Variants in PHACTR3 observed in about 807,000 individuals in gnomAD.
PHACTR3 encodes protein phosphatase 1, regulatory subunit 123.
Under a neutral mutation model 66.8 loss-of-function variants are expected in PHACTR3, and 16 were observed. That is an observed-to-expected ratio of 0.24 (90% CI 0.16 to 0.36). The LOEUF is 0.36. Ranked by LOEUF, PHACTR3 falls within the 10% of genes least tolerant of loss-of-function variation. The pLI, the probability that PHACTR3 is intolerant of heterozygous loss-of-function variation, is 1.00. For synonymous variants in PHACTR3, 323 were observed against 292.1 expected (o/e 1.11, Z -1.08); for missense variants, 647 against 719.9 (o/e 0.90, Z 1.16).
intron 1 of PHACTR3, among the ~76,000 whole-genome samples, chr20:59,638,327 C>T (rs6100536): frequency 0.72 from 109,075 of 152,040 alleles, 39,285 homozygotes; most frequent in East Asian, 0.91. Context: ...ATGCCTTATA[C>T]ACAGTAGAGT....
chr20:59,634,592 C>T (rs938185765), intron 1 of PHACTR3, among the ~76,000 whole-genome samples: 5 of 152,126 alleles, frequency 3.3e-5, no homozygotes, highest in African/African-American at 7.2e-5. Context: ...GAGCATTTTC[C>T]CAGAAAAATT....
At chr20:59,680,621 G>A (rs971421969) in intron 1 of PHACTR3, among the ~76,000 whole-genome samples, 6 of 152,136 alleles carry the variant, frequency 3.9e-5, no homozygotes, top group East Asian at 3.9e-4. Flanking sequence ...CTTTGAATGC[G>A]GCGCAACACA....
At chr20:59,699,630 C>T (rs145954499) in intron 1 of PHACTR3, among the ~76,000 whole-genome samples, 3 of 152,268 alleles carry the variant, frequency 2.0e-5, no homozygotes, top group African/African-American at 7.2e-5. Context: ...ACACTGCCAT[C>T]ATGAATACTC....
At chr20:59,648,499 T>TA (rs1325412147) in intron 1 of PHACTR3, among the ~76,000 whole-genome samples, 1 of 152,186 alleles carries the variant, frequency 6.6e-6, no homozygotes, top group African/African-American at 2.4e-5. Flanking sequence ...TCAGAGTCTT[T>TA]AAAAAACATC....
intron 1 of PHACTR3, among the ~76,000 whole-genome samples, chr20:59,727,254 G>A (rs2038601243): frequency 6.6e-6 from 1 of 152,122 alleles, no homozygotes; most frequent in South Asian, 2.1e-4. Context: ...CCTCCACACT[G>A]TAGCAGGTGT....
At chr20:59,607,857 A>T (rs2146338134) in intron 1 of PHACTR3, among the ~76,000 whole-genome samples, 1 of 152,154 alleles carries the variant, frequency 6.6e-6, no homozygotes, top group Non-Finnish European at 1.5e-5. Context: ...TAGCCATTGG[A>T]TATTTGTATT....
chr20:59,802,595 C>T (rs139851455), intron 7 of PHACTR3, among the ~76,000 whole-genome samples: 168 of 152,266 alleles, frequency 1.1e-3, no homozygotes, highest in Non-Finnish European at 1.6e-3. Context: ...CTGAGCCCCA[C>T]ACGTTTGTGT....
intron 8 of PHACTR3, among the ~76,000 whole-genome samples, chr20:59,813,376 A>G (rs2043407447): frequency 6.6e-6 from 1 of 152,176 alleles, no homozygotes; most frequent in South Asian, 2.1e-4. Context: ...GGCTGCTGGG[A>G]TGGAAGGTAG....
At position 59,622,981 on chromosome 20, in the gene PHACTR3, C is replaced by CAAAAAAAAA. The variant is rs71183177; in HGVS notation, c.118+17861_118+17869dup. ...ATTCTAATTTTACAGCAGCTTTAAC[C>CAAAAAAAAA]AAAAAAAAAAAAAAAAAAAACCCAA... On this transcript the variant is annotated intron_variant, in intron 1 of 12. Transcript: ENST00000371015. Among the ~76,000 whole-genome samples the CAAAAAAAAA allele has an allele frequency of 2.9e-3, 92 of 32,194 alleles. 5 individuals are homozygous for CAAAAAAAAA. Among genetic ancestry groups the CAAAAAAAAA allele is most frequent in the African/African-American group, 7.7e-3 (56 of 7,236 alleles). The allele number at this position is 32,194 out of a possible 152,430, so 21.1% of individuals were successfully genotyped here.
intron 1 of PHACTR3, among the ~76,000 whole-genome samples, chr20:59,580,510 T>C (rs2032826465): frequency 6.6e-6 from 1 of 152,130 alleles, no homozygotes. Context: ...TCTTCCAGAC[T>C]TCGAAGTCTG....
chr20:59,605,259 GC>G, intron 1 of PHACTR3, 127 bp downstream of exon 1: 2 of 592,358 alleles, frequency 3.4e-6, no homozygotes, highest in East Asian at 7.1e-5. Flanking sequence ...CCCGCGCTCG[GC>G]CCCGCGGTTC....
intron 1 of PHACTR3, among the ~76,000 whole-genome samples, chr20:59,675,731 C>T (rs1055201630): frequency 2.6e-5 from 4 of 152,124 alleles, no homozygotes; most frequent in African/African-American, 9.7e-5. Flanking sequence ...TGCGGCTAAA[C>T]CTCCTGCAAT....
chr20:59,797,927 A>G (rs1241914239), intron 7 of PHACTR3, among the ~76,000 whole-genome samples: 1 of 150,762 alleles, frequency 6.6e-6, no homozygotes, highest in African/African-American at 2.4e-5. Flanking sequence ...TTGGTCTTTC[A>G]TTTTCTTTTC....
intron 1 of PHACTR3, among the ~76,000 whole-genome samples, chr20:59,591,241 C>T (rs532257270): frequency 2.6e-5 from 4 of 152,298 alleles, no homozygotes; most frequent in East Asian, 1.9e-4. Flanking sequence ...CACATCTCAT[C>T]CTCTCCGAAG....
In PHACTR3 at chr20:59,726,314, G is replaced by GGT. The variant is rs576744013; in HGVS notation, c.119-16785_119-16784dup. Reference sequence around the variant, plus strand: ...TCCTACTTCTGCTAAGGGCTGGCCTGGTGTGTGTGACCAGAATGCCAGGCC... The same window carrying GGT: ...TCCTACTTCTGCTAAGGGCTGGCCTGGTGTGTGTGTGACCAGAATGCCAGGCC... On this transcript the variant is annotated intron_variant, in intron 1 of 12. Transcript: ENST00000371015. Among the ~76,000 whole-genome samples the GGT allele has an allele frequency of 9.2e-4, 140 of 152,268 alleles. 1 individual carries two copies. The highest frequency in any genetic ancestry group is 3.2e-3 in the African/African-American group (132 of 41,558).
rs917928653 is a variant in PHACTR3, at chr20:59,737,748, G to A, written c.119-5359G>A. On this transcript the variant is annotated intron_variant, in intron 1 of 12. Coordinates refer to ENST00000371015, the MANE Select transcript of PHACTR3 (RefSeq NM_080672.5). ...GTACAGCCCCACAAAGGCAGGCATC[G>A]TCTCTTTTGTTCACCTCTGCACACC... Among the ~76,000 whole-genome samples, 15 of 152,032 alleles carry A rather than the reference G, an allele frequency of 9.9e-5. No homozygotes were observed. In the East Asian group the frequency reaches 1.7e-3, roughly 18 times the overall value.
At chr20:59,684,931 C>T (rs1375635480) in intron 1 of PHACTR3, among the ~76,000 whole-genome samples, 4 of 152,114 alleles carry the variant, frequency 2.6e-5, no homozygotes, top group African/African-American at 4.8e-5. Context: ...TGGCTCAGCA[C>T]GTCCCTTGGC....
In PHACTR3 at chr20:59,829,305, T is replaced by G. The variant is rs1362646417; in HGVS notation, c.1329-7200T>G. Among the ~76,000 whole-genome samples the G allele has an allele frequency of 6.6e-6, 1 of 152,158 alleles. No homozygotes were observed. The highest frequency in any genetic ancestry group is 2.4e-5 in the African/African-American group (1 of 41,450). On this transcript the variant is annotated intron_variant, in intron 8 of 12. Transcript: ENST00000371015. The surrounding 1 kb of genome is among the most constrained non-coding windows in gnomAD (Gnocchi z 4.2). ...CGGCAGAACATCCCTGCTTGCTGTT[T>G]CCTAGTGTGGACACACTCCATCCCC...
chr20:59,780,147 A>T (rs2040674261), intron 7 of PHACTR3, among the ~76,000 whole-genome samples: 1 of 152,090 alleles, frequency 6.6e-6, no homozygotes, highest in Admixed American at 6.5e-5. Context: ...AAGGAAGCTG[A>T]CTTCTCCAGA....
Sources: gnomAD v4.1 joint callset for allele counts (sites outside exome capture counted in the v4.1 genomes callset) on GRCh38, gnomAD v4.1.1 for gene constraint, Gnocchi (gnomAD v3.1) non-coding constraint, MANE v1.5 for transcripts, NCBI Gene and HGNC (gene_info 2026-07-23, HGNC 2026-07-21) for gene names.